The following PPP1R12A variants were observed in gnomAD, a reference collection of about 807,000 sequenced individuals.
The protein encoded by PPP1R12A is protein phosphatase 1 regulatory subunit 12A.
Under a neutral mutation model 139.6 loss-of-function variants are expected in PPP1R12A, and 19 were observed. The observed-to-expected ratio is 0.14, with a 90% CI of 0.09 to 0.20. The LOEUF is 0.20. Among genes scored for constraint, PPP1R12A ranks in the 10% least tolerant of loss-of-function variants. The pLI is 1.00. For synonymous variants in PPP1R12A, 427 were observed against 420.6 expected (o/e 1.02, Z -0.19); for missense variants, 925 against 1,211.5 (o/e 0.76, Z 3.51).
intron 1 of PPP1R12A, among the ~76,000 whole-genome samples, chr12:79,933,118 ACTT>A (rs1888371989): frequency 6.6e-6 from 1 of 152,212 alleles, no homozygotes; most frequent in Admixed American, 6.5e-5. Flanking sequence ...CCTTAAATAA[ACTT>A]CACCCAAATA....
intron 1 of PPP1R12A, among the ~76,000 whole-genome samples, chr12:79,884,815 G>A (rs1883961274): frequency 6.6e-6 from 1 of 152,082 alleles, no homozygotes; most frequent in African/African-American, 2.4e-5. Flanking sequence ...AGGCAGCTTT[G>A]TCAACTTGAG....
At chr12:79,919,212 C>G (rs1465746129) in intron 1 of PPP1R12A, among the ~76,000 whole-genome samples, 1 of 152,074 alleles carries the variant, frequency 6.6e-6, no homozygotes, top group East Asian at 1.9e-4. Flanking sequence ...CCCTAACAAC[C>G]TTGGCTAACA....
intron 4 of PPP1R12A, among the ~76,000 whole-genome samples, chr12:79,829,471 G>T (rs1877161611): frequency 1.3e-5 from 2 of 151,996 alleles, no homozygotes; most frequent in South Asian, 4.2e-4. Flanking sequence ...CATCTGAAGG[G>T]CTTGTTTTTT....
chr12:79,800,052 C>T (rs1872924041), intron 14 of PPP1R12A, among the ~76,000 whole-genome samples: 2 of 152,008 alleles, frequency 1.3e-5, no homozygotes, highest in South Asian at 4.2e-4. Flanking sequence ...TATGACAGAG[C>T]CCTGCAACAC....
chr12:79,791,642 A>G (rs1033952027), intron 19 of PPP1R12A, among the ~76,000 whole-genome samples: 1 of 152,206 alleles, frequency 6.6e-6, no homozygotes, highest in Non-Finnish European at 1.5e-5. Context: ...ATTATTTAAA[A>G]ACTTTTAAGA....
rs1431290586 is a variant in PPP1R12A, at chr12:79,822,196, T to C, written c.793-6A>G. 6 of 1,577,266 alleles carry C rather than the reference T, an allele frequency of 3.8e-6. No homozygotes were observed. Among genetic ancestry groups the C allele is most frequent in the East Asian group, 2.3e-5 (1 of 44,088 alleles). On this transcript the variant is annotated splice_polypyrimidine_tract_variant and splice_region_variant and intron_variant, in intron 5 of 24. Transcript: ENST00000450142. ...ACATCAAAGGCTGTTTGGCCCTACGTAGGAAACAAGGGGGGATGGTGATGG... is the reference window on the plus strand; with the variant it reads ...ACATCAAAGGCTGTTTGGCCCTACGCAGGAAACAAGGGGGGATGGTGATGG...
At chr12:79,926,379 T>C (rs1169039670) in intron 1 of PPP1R12A, among the ~76,000 whole-genome samples, 2 of 152,046 alleles carry the variant, frequency 1.3e-5, no homozygotes, top group Non-Finnish European at 1.5e-5. Context: ...TTAGTAGAGA[T>C]GGGGTTTTGC....
At chr12:79,842,297 C>T in intron 3 of PPP1R12A, among the ~76,000 whole-genome samples, 1 of 152,038 alleles carries the variant, frequency 6.6e-6, no homozygotes, top group Middle Eastern at 3.2e-3. Flanking sequence ...TCCAGTCTGT[C>T]TCAAAACAAA....
intron 23 of PPP1R12A, chr12:79,780,332 GT>G: frequency 6.6e-6 from 1 of 152,118 alleles, no homozygotes; most frequent in South Asian, 2.1e-4. Flanking sequence ...AATGTTAGCA[GT>G]TACTATTAAT....
At chr12:79,871,797 G>A (rs1349171082) in intron 2 of PPP1R12A, among the ~76,000 whole-genome samples, 1 of 152,104 alleles carries the variant, frequency 6.6e-6, no homozygotes, top group African/African-American at 2.4e-5. Context: ...CAAAAAGGAA[G>A]TAAAGAACTT....
At chr12:79,861,529 A>G (rs1228539518) in intron 2 of PPP1R12A, among the ~76,000 whole-genome samples, 1 of 152,172 alleles carries the variant, frequency 6.6e-6, no homozygotes, top group Non-Finnish European at 1.5e-5. Context: ...TGGGAAGCGC[A>G]AGGGGTCATG....
intron 3 of PPP1R12A, among the ~76,000 whole-genome samples, chr12:79,835,876 C>G (rs1878013222): frequency 1.1e-4 from 16 of 152,192 alleles, no homozygotes; most frequent in Admixed American, 1.0e-3. Flanking sequence ...CTACTATCCT[C>G]TACCTGAATT....
At chr12:79,917,187 T>C (rs1040492283) in intron 1 of PPP1R12A, among the ~76,000 whole-genome samples, 2 of 152,252 alleles carry the variant, frequency 1.3e-5, no homozygotes, top group East Asian at 3.9e-4. Flanking sequence ...TGCCATGTTA[T>C]ACAGAGTTAA....
intron 2 of PPP1R12A, among the ~76,000 whole-genome samples, chr12:79,860,354 A>C (rs997925109): frequency 2.6e-5 from 4 of 152,228 alleles, no homozygotes; most frequent in Non-Finnish European, 5.9e-5. Context: ...TCATTCAATT[A>C]ACCAACATTC....
At chr12:79,795,079 T>C (rs1048529214) in intron 18 of PPP1R12A, among the ~76,000 whole-genome samples, 1 of 152,116 alleles carries the variant, frequency 6.6e-6, no homozygotes, top group Non-Finnish European at 1.5e-5. Context: ...TATACATGTA[T>C]GAATTATGTT....
At chr12:79,784,437 C>T (rs966950969) in intron 22 of PPP1R12A, among the ~76,000 whole-genome samples, 4 of 152,152 alleles carry the variant, frequency 2.6e-5, no homozygotes, top group Non-Finnish European at 4.4e-5. Context: ...ACTAACAAAA[C>T]AGGCTGCTCC....
chr12:79,853,893 A>G (rs1880332163), intron 2 of PPP1R12A, among the ~76,000 whole-genome samples: 1 of 152,222 alleles, frequency 6.6e-6, no homozygotes, highest in Non-Finnish European at 1.5e-5. Context: ...CTTAAAATCA[A>G]TGACTTTGTA....
chr12:79,818,299 A>G (rs1875655089), intron 8 of PPP1R12A, among the ~76,000 whole-genome samples: 2 of 152,166 alleles, frequency 1.3e-5, no homozygotes, highest in Admixed American at 6.5e-5. Context: ...GTTGGGGTAC[A>G]GTGGCATGAT....
rs1363636152 is a variant in PPP1R12A at position 79,809,903 on chromosome 12, A to C, written c.1347T>G (p.Leu449=). 6.2e-7 allele frequency: 1 copy of C among 1,613,616 alleles called. No individual in the cohort carries two copies. The highest frequency in any genetic ancestry group is 2.2e-5 in the East Asian group (1 of 44,822). The part of the protein sequence containing the change: ...GLRKTGSYGA[L]AEITASKEGQ... ...CCTCTTTAGATGCTGTGATTTCAGC[A>C]AGTGCACCATAGCTGCCCGTCTTTC... Residue 449 remains leucine, a synonymous_variant, in exon 10 of 25, where the codon CTT becomes CTG. Transcript: ENST00000450142.
Sources: allele counts gnomAD v4.1 joint callset (sites outside exome capture counted in the v4.1 genomes callset), GRCh38; gene constraint gnomAD v4.1.1; transcripts MANE v1.5; gene names NCBI Gene and HGNC (gene_info 2026-07-23, HGNC 2026-07-21).